The following SYNPO variants were observed in gnomAD, a reference collection of about 807,000 sequenced individuals.
The protein encoded by SYNPO is synaptopodin.
Under a neutral mutation model 49.5 loss-of-function variants are expected in SYNPO, and 19 were observed. The observed-to-expected ratio is 0.38, with a 90% confidence interval of 0.27 to 0.56. The LOEUF is 0.56. Ranked by LOEUF, SYNPO falls within the 20% of genes least tolerant of loss-of-function variation. The pLI, the probability that SYNPO is intolerant of heterozygous loss-of-function variation, is 0.68. For synonymous variants in SYNPO, 536 were observed against 548.0 expected (o/e 0.98, Z 0.31); for missense variants, 1,131 against 1,248.3 (o/e 0.91, Z 1.42).
chr5:150,597,795 C>T (rs1031193358), upstream of SYNPO, among the ~76,000 whole-genome samples: 17 of 152,124 alleles, frequency 1.1e-4, no homozygotes, highest in Non-Finnish European at 2.4e-4. Flanking sequence ...CATGCCACCA[C>T]CCTGGCTAAT....
chr5:150,595,540 A>C, the SYNPO span, among the ~76,000 whole-genome samples: 5 of 152,172 alleles, frequency 3.3e-5, no homozygotes, highest in African/African-American at 1.2e-4. Context: ...GGGGAGAGAG[A>C]AGAAAAGGAG....
rs889996277 is a variant in SYNPO at position 150,650,876 on chromosome 5, C to T, written c.2028+573C>T. 3.2e-6 allele frequency: 4 copies of T among 1,259,372 alleles called. No homozygotes were observed. In the African/African-American group the frequency reaches 4.7e-5, roughly 15 times the overall value. 78.0% of individuals were successfully genotyped at this position (1,259,372 alleles called of 1,614,324 possible). The stretch of plus-strand genomic sequence containing the variant: ...GGCCTGTCTCTTCTGCCTCTGCCTT[C>T]TGGACACCGTTTCCTCTCCGCTGCT... On this transcript the variant is annotated intron_variant, in intron 2 of 2. Transcript: ENST00000307662.
intron 2 of SYNPO, chr5:150,652,274 G>A (rs759965303): frequency 3.9e-5 from 39 of 999,492 alleles, no homozygotes; most frequent in East Asian, 1.1e-4. Flanking sequence ...CAGCTCCTGC[G>A]GCCAGGCTGA....
Position 150,650,156 on chromosome 5 carries a change from C to G in SYNPO, c.1881C>G (p.Pro627=). The part of the protein sequence containing the change: ...SRSSPGLYTS[P]GQDSLQPTAV... ...CCTCACCGGGCCTCTACACCTCCCC[C>G]GGCCAGGACAGCCTGCAGCCCACTG... Residue 627 remains proline (P), a synonymous_variant, in exon 2 of 3, where the codon CCC becomes CCG. Coordinates refer to ENST00000307662, the MANE Select transcript of SYNPO (RefSeq NM_007286.6). 1 of 1,613,818 alleles carries G rather than the reference C, an allele frequency of 6.2e-7. No individual in the cohort carries two copies. The highest frequency in any genetic ancestry group is 8.5e-7 in the Non-Finnish European group (1 of 1,179,982).
intron 1 of SYNPO, among the ~76,000 whole-genome samples, chr5:150,613,621 A>C (rs1378966844): frequency 6.6e-6 from 1 of 152,244 alleles, no homozygotes; most frequent in Non-Finnish European, 1.5e-5. Context: ...ACAATGGATC[A>C]GACTTTCTAT....
chr5:150,640,272 G>A (rs186881396), upstream of SYNPO: 169 of 665,398 alleles, frequency 2.5e-4, no homozygotes, highest in Non-Finnish European at 3.1e-4. Context: ...AAATCTGAAG[G>A]ATTAGGGCAT....
chr5:150,586,083 G>C, the SYNPO span, among the ~76,000 whole-genome samples: 2 of 152,262 alleles, frequency 1.3e-5, no homozygotes, highest in African/African-American at 4.8e-5. Context: ...GTTCCCTGCT[G>C]TATGGCGCAG....
chr5:150,628,358 T>C (rs1297702610), intron 2 of SYNPO, among the ~76,000 whole-genome samples: 1 of 152,208 alleles, frequency 6.6e-6, no homozygotes, highest in Admixed American at 6.5e-5. Flanking sequence ...AAATTCAGTC[T>C]ACTCCTAAAT....
At chr5:150,651,051 C>T in intron 2 of SYNPO, 2 of 1,184,770 alleles carry the variant, frequency 1.7e-6, no homozygotes, top group Non-Finnish European at 2.1e-6. Context: ...GCCCAGGCCT[C>T]AGCCCCAGTT....
At chr5:150,620,550 T>C (rs1757119651) in intron 2 of SYNPO, among the ~76,000 whole-genome samples, 1 of 152,256 alleles carries the variant, frequency 6.6e-6, no homozygotes, top group Admixed American at 6.5e-5. Context: ...ACGAGGCTTG[T>C]GCTCTTGGCC....
At chr5:150,631,512 G>T (rs1581483502) in intron 2 of SYNPO, among the ~76,000 whole-genome samples, 1 of 152,228 alleles carries the variant, frequency 6.6e-6, no homozygotes, top group East Asian at 1.9e-4. Flanking sequence ...AGCCTGGCAG[G>T]CTGGGAGGTG....
At chr5:150,591,634 T>C in the SYNPO span, among the ~76,000 whole-genome samples, 1 of 152,224 alleles carries the variant, frequency 6.6e-6, no homozygotes, top group Non-Finnish European at 1.5e-5. Context: ...TTTTAAAACC[T>C]GAATACAGTT....
At chr5:150,611,761 G>T (rs2151353594) in intron 1 of SYNPO, among the ~76,000 whole-genome samples, 1 of 152,304 alleles carries the variant, frequency 6.6e-6, no homozygotes, top group South Asian at 2.1e-4. Flanking sequence ...CGGGACCGTG[G>T]GATCATGGTG....
At chr5:150,624,686 C>G (rs1281657430) in intron 2 of SYNPO, 1 of 293,180 alleles carries the variant, frequency 3.4e-6, no homozygotes, top group African/African-American at 2.3e-5. Context: ...CTCACCCGCC[C>G]GCCCGCCCGC....
At chr5:150,638,809 A>G (rs1757799799), upstream of SYNPO, among the ~76,000 whole-genome samples, 1 of 152,302 alleles carries the variant, frequency 6.6e-6, no homozygotes, top group Non-Finnish European at 1.5e-5. Flanking sequence ...CTTTTAGATT[A>G]TGTGTTTTCT....
At chr5:150,650,857 TCTCTTCTGC>T (rs1758352770) in intron 2 of SYNPO, 1 of 1,267,592 alleles carries the variant, frequency 7.9e-7, no homozygotes, top group African/African-American at 1.5e-5. Context: ...CATGGGCCTG[TCTCTTCTGC>T]CTCTGCCTTC....
intron 2 of SYNPO, among the ~76,000 whole-genome samples, chr5:150,632,669 G>A (rs1022287432): frequency 7.2e-5 from 11 of 152,178 alleles, no homozygotes; most frequent in African/African-American, 2.4e-4. Context: ...TGGGTTTGGA[G>A]AAGGAGTGCT....
chr5:150,587,671 G>C, the SYNPO span, among the ~76,000 whole-genome samples: 4 of 152,154 alleles, frequency 2.6e-5, no homozygotes, highest in East Asian at 7.7e-4. Flanking sequence ...GGACAATTAA[G>C]AGCTCAGTTC....
chr5:150,605,481 G>A (rs963184028), intron 1 of SYNPO, among the ~76,000 whole-genome samples: 2 of 152,056 alleles, frequency 1.3e-5, no homozygotes, highest in African/African-American at 2.4e-5. Flanking sequence ...CAACAAGGCA[G>A]GGATGGAGGG....
Sources: gnomAD v4.1 joint callset for allele counts (sites outside exome capture counted in the v4.1 genomes callset) on GRCh38, gnomAD v4.1.1 for gene constraint, MANE v1.5 for transcripts, NCBI Gene and HGNC (gene_info 2026-07-23, HGNC 2026-07-21) for gene names.